The following QTMAN variants were observed in gnomAD, a reference collection of about 807,000 sequenced individuals.
QTMAN encodes the protein tRNA-queuosine alpha-mannosyltransferase.
At chr2:144,023,872 T>C in the QTMAN span, among the ~76,000 whole-genome samples, 1 of 152,222 alleles carries the variant, frequency 6.6e-6, no homozygotes, top group Admixed American at 6.5e-5. Context: ...CTGAAAAAGG[T>C]AATTATTCCA....
the QTMAN span, chr2:144,178,278 T>C: frequency 2.6e-5 from 4 of 152,160 alleles, no homozygotes; most frequent in Non-Finnish European, 5.9e-5. Context: ...TTCACGCTTA[T>C]CCACCATTTT....
At chr2:143,968,673 A>G in the QTMAN span, among the ~76,000 whole-genome samples, 162 of 152,276 alleles carry the variant, frequency 1.1e-3, no homozygotes, top group Non-Finnish European at 1.8e-3. Context: ...TCGTTTCTCA[A>G]TCCATCCACA....
At chr2:144,226,610 G>A in the QTMAN span, among the ~76,000 whole-genome samples, 1 of 152,078 alleles carries the variant, frequency 6.6e-6, no homozygotes, top group African/African-American at 2.4e-5. Flanking sequence ...GAAAATTTGA[G>A]TTCCAGACAC....
At chr2:144,099,622 T>G in the QTMAN span, among the ~76,000 whole-genome samples, 2 of 152,192 alleles carry the variant, frequency 1.3e-5, no homozygotes, top group Non-Finnish European at 2.9e-5. Flanking sequence ...TTCCACATTG[T>G]ATGCTTCATT....
At chr2:144,229,227 C>T in the QTMAN span, among the ~76,000 whole-genome samples, 1,891 of 152,238 alleles carry the variant, frequency 0.012, 30 homozygotes, top group Non-Finnish European at 0.014. Flanking sequence ...TAAATGTGTA[C>T]TATTCTTGGG....
At chr2:144,238,508 G>A in the QTMAN span, among the ~76,000 whole-genome samples, 1 of 152,064 alleles carries the variant, frequency 6.6e-6, no homozygotes, top group African/African-American at 2.4e-5. Context: ...ACTAGCTGTT[G>A]CCTGCAACTA....
At chr2:144,253,760 GA>G in the QTMAN span, among the ~76,000 whole-genome samples, 81 of 126,242 alleles carry the variant, frequency 6.4e-4, no homozygotes, top group East Asian at 2.9e-3. Flanking sequence ...CAATGAAGTA[GA>G]AAAAAAAAAA....
chr2:144,327,476 T>C, the QTMAN span, among the ~76,000 whole-genome samples: 3 of 152,116 alleles, frequency 2.0e-5, no homozygotes, highest in African/African-American at 2.4e-5. Flanking sequence ...AATCACCGAT[T>C]TATGGGAGAC....
At chr2:144,001,530 T>C in the QTMAN span, among the ~76,000 whole-genome samples, 2 of 151,954 alleles carry the variant, frequency 1.3e-5, no homozygotes, top group Non-Finnish European at 2.9e-5. Flanking sequence ...GCTTTGATAA[T>C]TTCCCTATAT....
chr2:144,011,698 T>C, the QTMAN span: 2 of 984,114 alleles, frequency 2.0e-6, no homozygotes, highest in African/African-American at 3.5e-5. Flanking sequence ...GGCTTTTCTA[T>C]AGAACTGGAC....
chr2:144,252,381 T>TTAAAA, the QTMAN span, among the ~76,000 whole-genome samples: 12 of 151,966 alleles, frequency 7.9e-5, no homozygotes, highest in East Asian at 3.9e-4. Context: ...CCTGTGTCTT[T>TTAAAA]TAAAATAAAA....
chr2:144,316,339 C>T, the QTMAN span, among the ~76,000 whole-genome samples: 1 of 152,008 alleles, frequency 6.6e-6, no homozygotes, highest in Non-Finnish European at 1.5e-5. Flanking sequence ...GCTTGTAAAG[C>T]CTGTAAACAT....
At chr2:144,314,629 C>T in the QTMAN span, among the ~76,000 whole-genome samples, 121 of 152,206 alleles carry the variant, frequency 7.9e-4, no homozygotes, top group African/African-American at 2.7e-3. Flanking sequence ...AGGAGAATGG[C>T]GTGAACCCGG....
chr2:144,007,193 C>A, the QTMAN span: 1 of 1,585,674 alleles, frequency 6.3e-7, no homozygotes, highest in Non-Finnish European at 8.6e-7. Context: ...ACCTGTGAGG[C>A]CAGACAATGT....
At chr2:144,016,957 T>C in the QTMAN span, among the ~76,000 whole-genome samples, 1 of 151,910 alleles carries the variant, frequency 6.6e-6, no homozygotes, top group Non-Finnish European at 1.5e-5. Context: ...CGAGAAAATT[T>C]GGGGAATAAA....
At chr2:144,211,632 T>C in the QTMAN span, 2 of 152,558 alleles carry the variant, frequency 1.3e-5, no homozygotes, top group Non-Finnish European at 2.9e-5. Context: ...GAAGCTGGTA[T>C]TTAAATATAT....
At chr2:144,110,265 A>G in the QTMAN span, among the ~76,000 whole-genome samples, 16 of 152,306 alleles carry the variant, frequency 1.1e-4, no homozygotes, top group African/African-American at 3.6e-4. Context: ...GCTGGAAACC[A>G]TCATTCTCAG....
the QTMAN span, among the ~76,000 whole-genome samples, chr2:143,956,333 T>C: frequency 9.9e-5 from 15 of 152,162 alleles, no homozygotes; most frequent in African/African-American, 3.6e-4. Flanking sequence ...TCAAATGGCT[T>C]TGACTCAATG....
the QTMAN span, among the ~76,000 whole-genome samples, chr2:144,307,166 A>T: frequency 1.0e-5 from 1 of 96,010 alleles, no homozygotes; most frequent in Admixed American, 1.2e-4. Flanking sequence ...TCTTAAAAAA[A>T]AAAAAAAAAA....
Sources: allele counts gnomAD v4.1 joint callset (sites outside exome capture counted in the v4.1 genomes callset), GRCh38; gene constraint gnomAD v4.1.1; transcripts MANE v1.5; gene names NCBI Gene and HGNC (gene_info 2026-07-23, HGNC 2026-07-21).